RSPO3: variants seen among roughly 807,000 people sequenced by gnomAD.
RSPO3 encodes R-spondin 3, also known as R-spondin-3.
In RSPO3, 17 loss-of-function variants were observed where a neutral mutation model predicts 36.5. The observed-to-expected ratio is 0.47, with a 90% CI of 0.32 to 0.70. The LOEUF is 0.70. Ranked by LOEUF, RSPO3 falls within the 30% of genes least tolerant of loss-of-function variation. The pLI is 0.04. For synonymous variants in RSPO3, 108 were observed against 107.0 expected (o/e 1.01, Z -0.06); for missense variants, 294 against 322.5 (o/e 0.91, Z 0.68).
chr6:127,155,150 C>A, intron 3 of RSPO3, 91 bp from the exon 4 acceptor site: 2 of 1,262,834 alleles, frequency 1.6e-6, no homozygotes, highest in Non-Finnish European at 1.1e-6. Context: ...CAAATGTGGG[C>A]AAGTTCTGAT....
intron 4 of RSPO3, among the ~76,000 whole-genome samples, chr6:127,167,250 CATTA>C (rs1378903960): frequency 6.6e-6 from 1 of 151,888 alleles, no homozygotes; most frequent in Non-Finnish European, 1.5e-5. Context: ...GCCCAGCATC[CATTA>C]ATTATTCTTC....
At chr6:127,171,419 C>T (rs1172620610) in intron 4 of RSPO3, among the ~76,000 whole-genome samples, 1 of 151,700 alleles carries the variant, frequency 6.6e-6, no homozygotes, top group Non-Finnish European at 1.5e-5. Context: ...TCATGATATA[C>T]TAACATGCTG....
At chr6:127,159,396 G>A (rs1005738530) in intron 4 of RSPO3, among the ~76,000 whole-genome samples, 6 of 152,136 alleles carry the variant, frequency 3.9e-5, no homozygotes, top group African/African-American at 1.2e-4. Flanking sequence ...GCTGGAAGAA[G>A]TGAGGTGGAG....
intron 1 of RSPO3, among the ~76,000 whole-genome samples, chr6:127,135,648 T>C (rs1774141291): frequency 6.6e-6 from 1 of 151,630 alleles, no homozygotes; most frequent in Non-Finnish European, 1.5e-5. Context: ...ACATGTCGAT[T>C]AGATGTAGTG....
Position 127,151,267 on chromosome 6 carries a change from C to G in RSPO3, c.436+695C>G, listed in dbSNP as rs532092021. On this transcript the variant is annotated intron_variant, in intron 3 of 4. Transcript: ENST00000356698. ...TCCCTGGGGCTGATTAATTGCAGGC[C>G]AAATTTCCTGAAGGGGAGGTCCCTC... 8.6e-4 allele frequency among the ~76,000 whole-genome samples: 130 copies of G among 152,024 alleles called. 1 individual carries two copies. The highest frequency in any genetic ancestry group is 3.4e-3 in the Middle Eastern group (1 of 294).
At chr6:127,147,162 C>G (rs1383483878) in intron 1 of RSPO3, among the ~76,000 whole-genome samples, 1 of 152,114 alleles carries the variant, frequency 6.6e-6, no homozygotes, top group African/African-American at 2.4e-5. Flanking sequence ...GTGGCTGATT[C>G]AGGGATGGTT....
intron 4 of RSPO3, among the ~76,000 whole-genome samples, chr6:127,165,066 CT>C (rs1774794608): frequency 6.6e-6 from 1 of 152,028 alleles, no homozygotes; most frequent in Non-Finnish European, 1.5e-5. Context: ...TTACTATTCA[CT>C]TTTTTGAGTA....
chr6:127,163,681 T>C (rs1456969468), intron 4 of RSPO3, among the ~76,000 whole-genome samples: 1 of 137,182 alleles, frequency 7.3e-6, no homozygotes, highest in Non-Finnish European at 1.6e-5. Context: ...TTTTCTGTTT[T>C]TCAGTTTCTC....
At chr6:127,188,808 G>T (rs1265791725) in intron 4 of RSPO3, among the ~76,000 whole-genome samples, 1 of 152,110 alleles carries the variant, frequency 6.6e-6, no homozygotes, top group Admixed American at 6.6e-5. Flanking sequence ...GATTAAGAAA[G>T]TACACTCCAA....
intron 4 of RSPO3, among the ~76,000 whole-genome samples, chr6:127,174,823 CA>C (rs1377526521): frequency 1.3e-5 from 2 of 151,700 alleles, no homozygotes; most frequent in Non-Finnish European, 3.0e-5. Context: ...AAGAGATTTT[CA>C]TTTGAAGTAC....
chr6:127,132,268 C>T (rs752491826), intron 1 of RSPO3, among the ~76,000 whole-genome samples: 34 of 152,074 alleles, frequency 2.2e-4, no homozygotes, highest in Non-Finnish European at 4.9e-4. Flanking sequence ...GTGTTTGCAA[C>T]AGCAGGTCTG....
intron 4 of RSPO3, among the ~76,000 whole-genome samples, chr6:127,194,778 G>A (rs1487860219): frequency 6.6e-6 from 1 of 152,044 alleles, no homozygotes; most frequent in Non-Finnish European, 1.5e-5. Context: ...CTCTCATAAT[G>A]TGAGTCTGAG....
At chr6:127,166,846 G>T (rs1269843501) in intron 4 of RSPO3, among the ~76,000 whole-genome samples, 1 of 151,832 alleles carries the variant, frequency 6.6e-6, no homozygotes, top group Non-Finnish European at 1.5e-5. Flanking sequence ...ATTGACAAAT[G>T]GTATTCTATT....
At chr6:127,181,598 G>A (rs62438502) in intron 4 of RSPO3, among the ~76,000 whole-genome samples, 1,818 of 151,962 alleles carry the variant, frequency 0.012, 17 homozygotes, top group Non-Finnish European at 0.017. Context: ...AGTTCCAGCA[G>A]ACCTTGCAGG....
chr6:127,170,695 C>T (rs540238753), intron 4 of RSPO3, among the ~76,000 whole-genome samples: 4 of 151,570 alleles, frequency 2.6e-5, no homozygotes, highest in Non-Finnish European at 5.9e-5. Flanking sequence ...ATATTATTGT[C>T]TTTAAGAAGG....
rs1259070401 is a variant in RSPO3, at chr6:127,119,283, C to A, written c.91C>A (p.Arg31=). 3 of 1,611,048 alleles carry A rather than the reference C, an allele frequency of 1.9e-6. No individual in the cohort carries two copies. Among genetic ancestry groups the A allele is most frequent in the Admixed American group, 3.3e-5 (2 of 59,778 alleles). Residue 31 remains arginine (R), a synonymous_variant, in exon 1 of 5, where the codon CGA becomes AGA. Transcript: ENST00000356698. ...SQNASRGRRQ[R]RMHPNVSQGC... is the part of the protein sequence containing the mutation. ...AAACGCCTCCCGGGGAAGGCGCCAGCGAAGAAGTAAGTGCAGGGTTTTTTA... is the reference window on the plus strand; with the variant it reads ...AAACGCCTCCCGGGGAAGGCGCCAGAGAAGAAGTAAGTGCAGGGTTTTTTA...
intron 4 of RSPO3, among the ~76,000 whole-genome samples, chr6:127,159,569 G>A (rs1257751278): frequency 6.6e-6 from 1 of 151,302 alleles, no homozygotes; most frequent in Non-Finnish European, 1.5e-5. Context: ...ACTGTAGGTT[G>A]CCTTATGTAC....
intron 1 of RSPO3, among the ~76,000 whole-genome samples, chr6:127,125,945 G>T (rs536600707): frequency 4.9e-4 from 75 of 152,112 alleles, no homozygotes; most frequent in Non-Finnish European, 9.7e-4. Flanking sequence ...AGAAAATAAG[G>T]CCCTAGGCTA....
chr6:127,168,200 C>G (rs1774860525), intron 4 of RSPO3, among the ~76,000 whole-genome samples: 1 of 152,114 alleles, frequency 6.6e-6, no homozygotes. Context: ...AATGGTTGAA[C>G]TAGTTTACAG....
Sources: allele counts gnomAD v4.1 joint callset (sites outside exome capture counted in the v4.1 genomes callset), GRCh38; gene constraint gnomAD v4.1.1; transcripts MANE v1.5; gene names NCBI Gene and HGNC (gene_info 2026-07-23, HGNC 2026-07-21).